Variants in LYST observed in about 807,000 individuals in gnomAD.
LYST encodes lysosomal trafficking regulator, also known as lysosomal-trafficking regulator.
A neutral mutation model predicts 413.6 loss-of-function variants in LYST; 192 were observed. The observed-to-expected ratio is 0.46, with a 90% CI of 0.41 to 0.52. The LOEUF (loss-of-function observed/expected upper bound fraction) is 0.52, where lower values mean the gene tolerates loss of function less well. Ranked by LOEUF, LYST falls within the 20% of genes least tolerant of loss-of-function variation. The probability of loss-of-function intolerance (pLI) is 0.00; values close to 1 mark genes in which losing one functional copy is unlikely to be tolerated. For synonymous variants in LYST, 1,525 were observed against 1,567.3 expected, an observed-to-expected ratio of 0.97 and a Z score of 0.64; for missense variants, 3,815 against 4,499.9, an observed-to-expected ratio of 0.85 and a Z score of 4.35.
chr1:235,828,913 A>T, intron 3 of LYST: 1 of 910,572 alleles, frequency 1.1e-6, no homozygotes, highest in Non-Finnish European at 1.3e-6. Context: ...GAATAAAAAT[A>T]CATAAACTTG....
intron 1 of LYST, among the ~76,000 whole-genome samples, chr1:235,847,247 T>C (rs987230698): frequency 1.3e-5 from 2 of 152,100 alleles, no homozygotes; most frequent in African/African-American, 4.8e-5. Context: ...AAAACAATTA[T>C]CAGCCAAGAA....
rs1558103504 is a variant in LYST at position 235,674,266 on chromosome 1, A to G, written c.11038+2825T>C. The stretch of plus-strand genomic sequence containing the variant: ...CCTGTCTGCCCTTGTTTTCATCCCC[A>G]AGCGGATGTATGGTAGTATTGTAGT... On this transcript the variant is annotated intron_variant, in intron 50 of 52. Coordinates refer to ENST00000389793, the MANE Select transcript of LYST (RefSeq NM_000081.4). This position sits in a 1 kb window ranked among gnomAD's most constrained non-coding sequence, Gnocchi z 4.1. Among the ~76,000 whole-genome samples the G allele has an allele frequency of 6.6e-6, 1 of 152,242 alleles. No individual in the cohort carries two copies. The highest frequency in any genetic ancestry group is 1.9e-4 in the East Asian group (1 of 5,174).
chr1:235,729,791 C>A, intron 36 of LYST, 134 bp from the exon 37 acceptor site: 1 of 675,458 alleles, frequency 1.5e-6, no homozygotes, highest in South Asian at 1.6e-5. Flanking sequence ...GGTATCTTGT[C>A]GAAACCCACA....
intron 13 of LYST, 91 bp downstream of exon 13, chr1:235,788,610 G>C (rs1394803246): frequency 7.3e-6 from 9 of 1,232,910 alleles, no homozygotes; most frequent in African/African-American, 3.0e-5. Flanking sequence ...TTGCTATAAT[G>C]AACTTTTATT....
chr1:235,810,775 A>G (rs1673373972), intron 4 of LYST, among the ~76,000 whole-genome samples: 1 of 152,182 alleles, frequency 6.6e-6, no homozygotes, highest in Non-Finnish European at 1.5e-5. Context: ...TTAAAACAAC[A>G]AAACAGAGGC....
intron 50 of LYST, among the ~76,000 whole-genome samples, chr1:235,676,353 A>G (rs1328527888): frequency 1.3e-5 from 2 of 152,194 alleles, no homozygotes; most frequent in Non-Finnish European, 2.9e-5. Flanking sequence ...AACATACCAG[A>G]TCAAACAAGA....
intron 46 of LYST, 104 bp from the exon 47 acceptor site, chr1:235,693,590 T>C (rs1269627808): frequency 1.5e-5 from 19 of 1,250,994 alleles, no homozygotes; most frequent in Non-Finnish European, 2.2e-5. Context: ...TAGCAGAACA[T>C]ATCATTTGGT....
In LYST at chr1:235,791,716, C is replaced by T; in HGVS notation, c.4526G>A (p.Ser1509Asn). The T allele has an allele frequency of 6.2e-7, 1 of 1,611,766 alleles. No individual in the cohort carries two copies. The highest frequency in any genetic ancestry group is 8.5e-7 in the Non-Finnish European group (1 of 1,178,316). Residue 1509 changes from serine (S) to asparagine (N), a missense_variant, in exon 12 of 53, where the codon AGC (serine) becomes AAC (asparagine). Physicochemically the swap from Ser to Asn is conservative, Grantham distance 46. Around this residue, in one of 4 missense-constraint regions of LYST, gnomAD observed 1,648 missense variants for 1,810.3 expected, o/e 0.91. Transcript: ENST00000389793. ...KRNKSLILPD[S>N]SFDGTESDRP... ...CATCATACCTGTACCATCAAAACTGCTATCTGGTAAAATTAATGATTTGTT... is the reference window on the plus strand; with the variant it reads ...CATCATACCTGTACCATCAAAACTGTTATCTGGTAAAATTAATGATTTGTT...
At chr1:235,820,660 C>T (rs754074033) in intron 3 of LYST, among the ~76,000 whole-genome samples, 4 of 152,172 alleles carry the variant, frequency 2.6e-5, no homozygotes, top group Admixed American at 6.5e-5. Context: ...GGTGAACCAC[C>T]ACATCCAGCC....
intron 46 of LYST, among the ~76,000 whole-genome samples, chr1:235,694,436 C>T (rs1374673911): frequency 6.6e-6 from 1 of 152,112 alleles, no homozygotes; most frequent in Non-Finnish European, 1.5e-5. Flanking sequence ...TAGCTAAATG[C>T]AGCATATATG....
rs1677170017 is a variant in LYST, at chr1:235,841,259, T to G, written c.-97-7592A>C. Among the ~76,000 whole-genome samples, 6 of 152,078 alleles carry G rather than the reference T, an allele frequency of 3.9e-5. No homozygotes were observed. In the South Asian group the frequency reaches 1.2e-3, roughly 32 times the overall value. The stretch of plus-strand genomic sequence containing the variant: ...ATAGACTCTCCTGAGAAGGCAGGAT[T>G]AGAAAAGAAAAACAGAAAATAGAGA... On this transcript the variant is annotated intron_variant, in intron 1 of 52. Transcript: ENST00000389793.
chr1:235,800,436 T>G, intron 9 of LYST, 50 bp from the exon 10 acceptor site: 6 of 974,484 alleles, frequency 6.2e-6, no homozygotes, highest in Non-Finnish European at 8.4e-6. Flanking sequence ...CACAGAAGCA[T>G]GAAACAACTG....
intron 3 of LYST, among the ~76,000 whole-genome samples, chr1:235,818,601 T>G (rs1373682472): frequency 6.6e-6 from 1 of 152,124 alleles, no homozygotes; most frequent in Non-Finnish European, 1.5e-5. Flanking sequence ...TACCTCAACA[T>G]TTTTAAAGAT....
intron 14 of LYST, among the ~76,000 whole-genome samples, chr1:235,785,217 C>CT (rs1181192949): frequency 6.6e-6 from 1 of 152,162 alleles, no homozygotes; most frequent in African/African-American, 2.4e-5. Context: ...CTTAGATAGG[C>CT]CTTCCCTGAT....
At position 235,761,223 on chromosome 1, in the gene LYST, C is replaced by T. The variant is rs572006752; in HGVS notation, c.6253+1497G>A. On this transcript the variant is annotated intron_variant, in intron 22 of 52. Transcript: ENST00000389793. ...TTTGGCAGGAAAACAAAACTAGAGA[C>T]TAATACCTATATATCTAGTTCTATC... Among the ~76,000 whole-genome samples the T allele has an allele frequency of 5.5e-4, 83 of 152,272 alleles. 1 individual carries two copies. Among genetic ancestry groups the T allele is most frequent in the Non-Finnish European group, 1.0e-3 (71 of 68,018 alleles).
At chr1:235,863,686 G>A (rs897684505) in intron 1 of LYST, among the ~76,000 whole-genome samples, 2 of 152,112 alleles carry the variant, frequency 1.3e-5, no homozygotes, top group Admixed American at 1.3e-4. Flanking sequence ...TGGTCCAAAA[G>A]AATTAAGAAG....
At chr1:235,712,441 C>A (rs1662471826) in intron 42 of LYST, 1 of 342,836 alleles carries the variant, frequency 2.9e-6, no homozygotes, top group Admixed American at 5.1e-5. Flanking sequence ...TTTATATCAT[C>A]TATTTGTTTA....
chr1:235,724,657 C>T (rs1395077118), intron 38 of LYST, among the ~76,000 whole-genome samples: 1 of 150,882 alleles, frequency 6.6e-6, no homozygotes, highest in Non-Finnish European at 1.5e-5. Flanking sequence ...CAAAAACCCT[C>T]GGTACTCCAC....
chr1:235,858,537 C>G (rs1347618869), intron 1 of LYST, among the ~76,000 whole-genome samples: 1 of 152,186 alleles, frequency 6.6e-6, no homozygotes, highest in Non-Finnish European at 1.5e-5. Flanking sequence ...TTTTCCATCT[C>G]TAGTACTCTT....
Sources: allele counts gnomAD v4.1 joint callset (sites outside exome capture counted in the v4.1 genomes callset), GRCh38; gene constraint gnomAD v4.1.1; regional missense constraint gnomAD v4.1.1; non-coding constraint Gnocchi (gnomAD v3.1); transcripts MANE v1.5; gene names NCBI Gene and HGNC (gene_info 2026-07-23, HGNC 2026-07-21).